YEATS2: variants seen among roughly 807,000 people sequenced by gnomAD.
YEATS2 encodes the protein YEATS domain-containing protein 2.
A neutral mutation model predicts 163.2 loss-of-function variants in YEATS2; 77 were observed. That is an observed-to-expected ratio of 0.47 (90% confidence interval 0.39 to 0.57). The LOEUF (loss-of-function observed/expected upper bound fraction) is 0.57, where lower values mean the gene tolerates loss of function less well. YEATS2 is among the 20% of genes least tolerant of loss of function. The pLI, the probability that YEATS2 is intolerant of heterozygous loss-of-function variation, is 0.00. For synonymous variants in YEATS2, 631 were observed against 645.1 expected (o/e 0.98, Z 0.33); for missense variants, 1,549 against 1,729.8 (o/e 0.90, Z 1.85).
chr3:183,744,577 A>C (rs993024671), intron 8 of YEATS2, among the ~76,000 whole-genome samples: 1 of 152,204 alleles, frequency 6.6e-6, no homozygotes, highest in Non-Finnish European at 1.5e-5. Flanking sequence ...TATTGGAGAC[A>C]AGTGTTTTAA....
chr3:183,729,368 A>G (rs1325752530), intron 7 of YEATS2, among the ~76,000 whole-genome samples: 1 of 152,116 alleles, frequency 6.6e-6, no homozygotes, highest in Non-Finnish European at 1.5e-5. Flanking sequence ...CACTAATTAT[A>G]TTAACTGGTT....
At chr3:183,804,688 TAAAA>T (rs758560952) in intron 27 of YEATS2, among the ~76,000 whole-genome samples, 65 of 152,234 alleles carry the variant, frequency 4.3e-4, no homozygotes, top group African/African-American at 1.4e-3. Context: ...TGTTTCACGA[TAAAA>T]AAACAGACCA....
intron 5 of YEATS2, 112 bp from the exon 6 acceptor site, chr3:183,724,307 A>G (rs1264812988): frequency 5.2e-6 from 4 of 775,268 alleles, no homozygotes; most frequent in Non-Finnish European, 8.1e-6. Flanking sequence ...AAAATTTTGT[A>G]ATTTTTTAAA....
At chr3:183,733,927 C>CG (rs1402365651) in intron 7 of YEATS2, among the ~76,000 whole-genome samples, 1 of 151,978 alleles carries the variant, frequency 6.6e-6, no homozygotes, top group African/African-American at 2.4e-5. Context: ...AAGATGAGCA[C>CG]GGGGCCTTGG....
intron 8 of YEATS2, among the ~76,000 whole-genome samples, chr3:183,738,391 C>CTT (rs1173865612): frequency 0.016 from 1,179 of 74,010 alleles, 10 homozygotes; most frequent in Middle Eastern, 0.039. Context: ...AGGAAAAGTT[C>CTT]TTTTTTTTTT....
chr3:183,728,425 C>G (rs539400525), intron 6 of YEATS2, among the ~76,000 whole-genome samples: 5 of 152,294 alleles, frequency 3.3e-5, no homozygotes, highest in Non-Finnish European at 5.9e-5. Flanking sequence ...TAACTCCTGA[C>G]CTCAAGCAGT....
At chr3:183,810,344 A>G (rs908954407) in intron 30 of YEATS2, 131 bp from the exon 31 acceptor site, 11 of 739,504 alleles carry the variant, frequency 1.5e-5, no homozygotes, top group African/African-American at 8.7e-5. Context: ...GCCCTAAGCT[A>G]TGTCTGTGGC....
In YEATS2 at chr3:183,798,834, C is replaced by G. The variant is rs372409993; in HGVS notation, c.3227-57C>G. 7.1e-5 allele frequency: 96 copies of G among 1,356,502 alleles called. No homozygotes were observed. The African/African-American group carries it at 1.3e-3, about 18-fold the overall frequency. 84.0% of individuals were successfully genotyped at this position (1,356,502 alleles called of 1,614,324 possible). A position where few individuals can be genotyped will look rare whatever the true frequency, so the allele number is the denominator to read the frequency against. ...GGGTTGTCACCTGGAAGTAGATCAC[C>G]CTCATTAAAAATAATTTTTGTATTT... is the stretch of plus-strand genomic sequence containing the variant. On this transcript the variant is annotated intron_variant, in intron 22 of 30. Coordinates refer to ENST00000305135, the MANE Select transcript of YEATS2 (RefSeq NM_018023.5).
At chr3:183,794,898 A>C (rs929748028) in intron 21 of YEATS2, among the ~76,000 whole-genome samples, 1 of 152,040 alleles carries the variant, frequency 6.6e-6, no homozygotes, top group African/African-American at 2.4e-5. Flanking sequence ...GGCTGGGTGC[A>C]GTGGCTCACG....
Position 183,752,095 on chromosome 3 carries a change from G to T in YEATS2, c.992G>T (p.Arg331Leu). ...AETVVDVELH[R>L]HSLGEDCIYP... ...TAGGTAGTGGATGTTGAACTCCATC[G>T]CCATTCTCTCGGAGAAGACTGTATC... The change falls in exon 10 of 31, where the codon CGC (arginine) becomes CTC (leucine). Residue 331 changes from arginine to leucine, a missense_variant. Transcript: ENST00000305135. 1 of 1,614,004 alleles carries T rather than the reference G, an allele frequency of 6.2e-7. No homozygotes were observed. The highest frequency in any genetic ancestry group is 1.1e-5 in the South Asian group (1 of 91,080).
At position 183,697,892 on chromosome 3, in the gene YEATS2, T is replaced by C. The variant is rs897154964; in HGVS notation, c.-121T>C. ...GGTTGCGGGGGTCGCTGGGGCCTTG[T>C]GGCGGGGCAGCTCCGCGGGGCTTCG... On this transcript the variant is annotated 5_prime_UTR_variant, in exon 1 of 31. Transcript: ENST00000305135. 5.3e-5 allele frequency: 8 copies of C among 150,178 alleles called. No homozygotes were observed. Among genetic ancestry groups the C allele is most frequent in the Admixed American group, 1.3e-4 (2 of 15,150 alleles). The allele number at this position is 150,178 out of a possible 1,614,324, so 9.3% of individuals were successfully genotyped here.
chr3:183,780,025 T>A (rs574050006), intron 19 of YEATS2, among the ~76,000 whole-genome samples: 1 of 151,612 alleles, frequency 6.6e-6, no homozygotes, highest in East Asian at 1.9e-4. Context: ...TTTTTAATTT[T>A]TTATCTTTCT....
chr3:183,810,777 G>T lies in YEATS2; in HGVS notation c.*194G>T. On this transcript the variant is annotated 3_prime_UTR_variant, in exon 31 of 31. Coordinates refer to ENST00000305135, the MANE Select transcript of YEATS2 (RefSeq NM_018023.5). ...TGAAATCCTCCTAGGACAGGAGTTT[G>T]TTTCCTGAGTGTGGAGTGAGGCTGT... The T allele has an allele frequency of 1.8e-6, 1 of 567,138 alleles. No homozygotes were observed. 35.1% of individuals were successfully genotyped at this position (567,138 alleles called of 1,614,324 possible). A position where few individuals can be genotyped will look rare whatever the true frequency, so the allele number is the denominator to read the frequency against.
rs76567139 is a variant in YEATS2 at position 183,790,073 on chromosome 3, A to G, written c.2914-724A>G. On this transcript the variant is annotated intron_variant, in intron 20 of 30. Transcript: ENST00000305135. ...TGCTTTGCAGCTTCTTGAACATACA[A>G]TGTTCTTTCATGCCTCACCAACTTT... 8.6e-3 allele frequency among the ~76,000 whole-genome samples: 1,307 copies of G among 152,218 alleles called. 9 individuals are homozygous for G. The highest frequency in any genetic ancestry group is 0.03 in the East Asian group (154 of 5,178).
At position 183,754,333 on chromosome 3, in the gene YEATS2, AG is replaced by A; in HGVS notation, c.1359del (p.Gln453HisfsTer5). 6.2e-7 allele frequency: 1 copy of A among 1,614,122 alleles called. No individual in the cohort carries two copies. The highest frequency in any genetic ancestry group is 8.5e-7 in the Non-Finnish European group (1 of 1,179,950). Reference sequence around the variant, plus strand: ...CCTGAGTCACCTGGAAAATCCTTCCAGCCCATCACCATGAGCTGCAAGATTG... The same window carrying A: ...CCTGAGTCACCTGGAAAATCCTTCCACCCATCACCATGAGCTGCAAGATTG... ...PNPESPGKSF[Q>X]PITMSCKIVS... On this transcript the variant is annotated frameshift_variant, in exon 11 of 31. Coordinates refer to ENST00000305135, the MANE Select transcript of YEATS2 (RefSeq NM_018023.5). LOFTEE classifies it high-confidence loss of function.
rs764046567 is a variant in YEATS2 at position 183,799,558 on chromosome 3, G to T, written c.3325+569G>T. ...CATGGTAAAGGAGGTTTAGGTAGGGGCCAGACTTTGGCGAGCTGTCAGTGG... is the reference window on the plus strand; with the variant it reads ...CATGGTAAAGGAGGTTTAGGTAGGGTCCAGACTTTGGCGAGCTGTCAGTGG... On this transcript the variant is annotated intron_variant, in intron 23 of 30. Coordinates refer to ENST00000305135, the MANE Select transcript of YEATS2 (RefSeq NM_018023.5). 7.2e-5 allele frequency among the ~76,000 whole-genome samples: 11 copies of T among 152,268 alleles called. No individual in the cohort carries two copies. The South Asian group carries it at 2.3e-3, about 32-fold the overall frequency.
chr3:183,727,684 G>C (rs1232784710), intron 6 of YEATS2, among the ~76,000 whole-genome samples: 1 of 152,134 alleles, frequency 6.6e-6, no homozygotes, highest in Non-Finnish European at 1.5e-5. Flanking sequence ...CTGAAATAAA[G>C]ACAGGGCCCA....
chr3:183,699,565 G>T (rs1466936287), intron 1 of YEATS2, among the ~76,000 whole-genome samples: 1 of 151,414 alleles, frequency 6.6e-6, no homozygotes, highest in Non-Finnish European at 1.5e-5. Flanking sequence ...AAAAAAAATT[G>T]GGAGTGATCT....
At chr3:183,704,860 C>A (rs556189945) in intron 1 of YEATS2, among the ~76,000 whole-genome samples, 19 of 152,190 alleles carry the variant, frequency 1.2e-4, no homozygotes. Context: ...AACTCCTGTC[C>A]TCAAGTGATC....
Sources: allele counts gnomAD v4.1 joint callset (sites outside exome capture counted in the v4.1 genomes callset), GRCh38; gene constraint gnomAD v4.1.1; transcripts MANE v1.5; gene names NCBI Gene and HGNC (gene_info 2026-07-23, HGNC 2026-07-21).